POLH: variants seen among roughly 807,000 people sequenced by gnomAD.
POLH encodes the protein DNA polymerase eta transcript.
POLH carries 53 observed loss-of-function variants against 73.6 expected under a neutral mutation model. The ratio of observed to expected loss-of-function variants is 0.72; its 90% CI spans 0.58 to 0.91. The LOEUF is 0.91. POLH is among the 40% of genes least tolerant of loss of function. The pLI, the probability that POLH is intolerant of heterozygous loss-of-function variation, is 0.00. For missense variants in POLH, 768 were observed against 865.4 expected (o/e 0.89, Z 1.41); for synonymous variants, 292 against 308.5 (o/e 0.95, Z 0.56).
chr6:43,603,964 C>A lies in POLH; in HGVS notation c.837C>A (p.Thr279=). The change falls in exon 7 of 11, where the codon ACC becomes ACA. Residue 279 remains threonine, a synonymous_variant. Transcript: ENST00000372236. The stretch of plus-strand genomic sequence containing the variant: ...GGATAGAATACATGGGTGAACTGAC[C>A]CAGTTCACTGAATCCCAGCTCCAGA... The part of the protein sequence containing the change: ...ILGIEYMGEL[T]QFTESQLQSH... The A allele has an allele frequency of 6.2e-7, 1 of 1,608,714 alleles. No individual in the cohort carries two copies. Among genetic ancestry groups the A allele is most frequent in the Non-Finnish European group, 8.5e-7 (1 of 1,175,130 alleles).
In POLH at chr6:43,615,430, C is replaced by G. The variant is rs1038496941; in HGVS notation, c.*873C>G. ...ATTATCCAGGCGTGGTGGTGCACGC[C>G]TGTAATCCCAGCTACTCAGGAGGCT... On this transcript the variant is annotated 3_prime_UTR_variant, in exon 11 of 11. Coordinates refer to ENST00000372236, the MANE Select transcript of POLH (RefSeq NM_006502.3). 2.6e-5 allele frequency: 4 copies of G among 151,716 alleles called. No individual in the cohort carries two copies. The highest frequency in any genetic ancestry group is 1.3e-4 in the Admixed American group (2 of 15,198). The allele number at this position is 151,716 out of a possible 1,614,324, so 9.4% of individuals were successfully genotyped here.
intron 8 of POLH, among the ~76,000 whole-genome samples, chr6:43,605,018 T>G (rs9333549): frequency 0.011 from 1,696 of 152,268 alleles, 33 homozygotes; most frequent in African/African-American, 0.039. Context: ...TTCTCAGAGC[T>G]GGAACATGCT....
intron 1 of POLH, among the ~76,000 whole-genome samples, chr6:43,579,928 T>A (rs1232360134): frequency 4.0e-5 from 6 of 151,120 alleles, no homozygotes; most frequent in South Asian, 4.2e-4. Context: ...TTTATTTTTT[T>A]ATTGATAATT....
At position 43,614,305 on chromosome 6, in the gene POLH, G is replaced by A. The variant is rs974425928; in HGVS notation, c.1890G>A (p.Glu630=). ...ATPNPSLLAA[E]DQVPCEKCGS... Reference sequence around the variant, plus strand: ...CAAATCCAAGTCTTCTAGCTGCTGAGGACCAAGTGCCCTGTGAGAAGTGTG... The same window carrying A: ...CAAATCCAAGTCTTCTAGCTGCTGAAGACCAAGTGCCCTGTGAGAAGTGTG... Residue 630 remains glutamate, a synonymous_variant, in exon 11 of 11, where the codon GAG becomes GAA. Coordinates refer to ENST00000372236, the MANE Select transcript of POLH (RefSeq NM_006502.3). The A allele has an allele frequency of 1.4e-5, 23 of 1,601,568 alleles. No homozygotes were observed. The highest frequency in any genetic ancestry group is 2.0e-5 in the Non-Finnish European group (23 of 1,171,968).
chr6:43,593,406 G>A (rs1403261370), intron 4 of POLH, among the ~76,000 whole-genome samples: 1 of 152,198 alleles, frequency 6.6e-6, no homozygotes, highest in Non-Finnish European at 1.5e-5. Flanking sequence ...TAAGTTGGAA[G>A]ACATACTACC....
rs1303092074 is a variant in POLH, at chr6:43,603,724, ATCT to A, written c.765-161_765-159del. Among the ~76,000 whole-genome samples, 4 of 152,292 alleles carry A rather than the reference ATCT, an allele frequency of 2.6e-5. No homozygotes were observed. In the South Asian group the frequency reaches 8.3e-4, roughly 32 times the overall value. On this transcript the variant is annotated intron_variant, in intron 6 of 10. Coordinates refer to ENST00000372236, the MANE Select transcript of POLH (RefSeq NM_006502.3). Reference sequence around the variant, plus strand: ...TAACCTTTTGGTTATGTTATTTTTAATCTTCTTCTCAAATTCTAACTCCCAGAG... The same window carrying A: ...TAACCTTTTGGTTATGTTATTTTTAATCTTCTCAAATTCTAACTCCCAGAG...
Position 43,600,983 on chromosome 6 carries a change from T to G in POLH, c.661-5T>G. The G allele has an allele frequency of 6.2e-7, 1 of 1,609,328 alleles. No individual in the cohort carries two copies. Among genetic ancestry groups the G allele is most frequent in the African/African-American group, 1.3e-5 (1 of 74,950 alleles). On this transcript the variant is annotated splice_region_variant and splice_polypyrimidine_tract_variant and intron_variant, in intron 5 of 10. Coordinates refer to ENST00000372236, the MANE Select transcript of POLH (RefSeq NM_006502.3). ...ATGAGGTTTTTATACTTTGCATGCT[T>G]CCAGGTCCTGGCAAAACTGGCCTGT...
chr6:43,611,852 T>C (rs1310970164), intron 10 of POLH, among the ~76,000 whole-genome samples: 1 of 152,020 alleles, frequency 6.6e-6, no homozygotes, highest in African/African-American at 2.4e-5. Context: ...GGTCAGGAGT[T>C]CAAGAGCACC....
intron 4 of POLH, among the ~76,000 whole-genome samples, chr6:43,596,758 A>T (rs921964697): frequency 2.0e-5 from 3 of 151,418 alleles, no homozygotes; most frequent in African/African-American, 7.4e-5. Flanking sequence ...GTAGGGAGTC[A>T]GGAAAAGTTC....
At chr6:43,594,083 G>A (rs1257910199) in intron 4 of POLH, among the ~76,000 whole-genome samples, 1 of 151,932 alleles carries the variant, frequency 6.6e-6, no homozygotes, top group Non-Finnish European at 1.5e-5. Context: ...ATCTTCTGTG[G>A]TCCCGTTCAG....
rs777607452 is a variant in POLH at position 43,613,819 on chromosome 6, A to C, written c.1404A>C (p.Pro468=). ...SSEAKTQGSG[P]AVTATKKATT... is the part of the protein sequence containing the mutation. ...AAGCTAAGACCCAGGGAAGTGGCCCAGCGGTGACAGCCACTAAGAAAGCAA... is the reference window on the plus strand; with the variant it reads ...AAGCTAAGACCCAGGGAAGTGGCCCCGCGGTGACAGCCACTAAGAAAGCAA... Residue 468 remains proline, a synonymous_variant, in exon 11 of 11, where the codon CCA becomes CCC. Coordinates refer to ENST00000372236, the MANE Select transcript of POLH (RefSeq NM_006502.3). 6.2e-7 allele frequency: 1 copy of C among 1,614,116 alleles called. No homozygotes were observed. Among genetic ancestry groups the C allele is most frequent in the Non-Finnish European group, 8.5e-7 (1 of 1,180,054 alleles).
At chr6:43,585,563 G>C (rs1454283038) in intron 3 of POLH, among the ~76,000 whole-genome samples, 1 of 151,790 alleles carries the variant, frequency 6.6e-6, no homozygotes, top group African/African-American at 2.4e-5. Context: ...CTGGGATGAA[G>C]ACCGAATATA....
intron 4 of POLH, chr6:43,588,309 T>C (rs1432903577): frequency 6.6e-6 from 1 of 152,286 alleles, no homozygotes; most frequent in Non-Finnish European, 1.5e-5. Flanking sequence ...CCTACCCTCT[T>C]GTACCCACAG....
At chr6:43,584,606 C>T (rs1220757497) in intron 3 of POLH, among the ~76,000 whole-genome samples, 1 of 152,198 alleles carries the variant, frequency 6.6e-6, no homozygotes, top group Non-Finnish European at 1.5e-5. Context: ...TGCATGTCCT[C>T]GCACTCAATT....
At chr6:43,587,726 G>A (rs1764985003) in intron 4 of POLH, among the ~76,000 whole-genome samples, 3 of 152,196 alleles carry the variant, frequency 2.0e-5, no homozygotes, top group African/African-American at 7.2e-5. Context: ...GGGCAGGTTA[G>A]TGTTATCAAT....
chr6:43,583,380 G>A (rs961380410), intron 3 of POLH, among the ~76,000 whole-genome samples: 109 of 152,206 alleles, frequency 7.2e-4, no homozygotes, highest in African/African-American at 2.2e-3. Context: ...TTCCTTAATT[G>A]TTCAAAATTG....
intron 5 of POLH, among the ~76,000 whole-genome samples, chr6:43,600,561 C>T (rs1398075620): frequency 1.3e-5 from 2 of 152,114 alleles, no homozygotes; most frequent in Admixed American, 1.3e-4. Context: ...AAATTGGGGA[C>T]TCAAAATGGA....
rs1388419239 is a variant in POLH, at chr6:43,619,507, G to A, written c.*4950G>A. Among the ~76,000 whole-genome samples the A allele has an allele frequency of 6.6e-6, 1 of 151,406 alleles. No homozygotes were observed. On this transcript the variant is annotated 3_prime_UTR_variant, in exon 11 of 11. Transcript: ENST00000372236. ...TGATAGGTGCTGATACTCATTGGAT[G>A]AATGTATATAGTGAAGAATTTTAGA...
chr6:43,588,014 C>T (rs1416850470), intron 4 of POLH, among the ~76,000 whole-genome samples: 1 of 152,176 alleles, frequency 6.6e-6, no homozygotes. Context: ...GCCTAGGCTA[C>T]AGAGGGAGAC....
Sources: allele counts gnomAD v4.1 joint callset (sites outside exome capture counted in the v4.1 genomes callset), GRCh38; gene constraint gnomAD v4.1.1; transcripts MANE v1.5; gene names NCBI Gene and HGNC (gene_info 2026-07-23, HGNC 2026-07-21).